Variants in TBC1D5 observed in about 807,000 individuals in gnomAD.
The protein encoded by TBC1D5 is TBC1 domain family, member 5.
In TBC1D5, 75 loss-of-function variants were observed where a neutral mutation model predicts 100.3. The observed-to-expected ratio is 0.75, with a 90% CI of 0.62 to 0.91. The LOEUF is 0.91. Among genes scored for constraint, TBC1D5 ranks in the 40% least tolerant of loss-of-function variants. TBC1D5 has a pLI of 0.00. For missense variants in TBC1D5, 910 were observed against 942.4 expected (o/e 0.97, Z 0.45); for synonymous variants, 323 against 325.6 (o/e 0.99, Z 0.09).
chr3:17,636,332 T>C (rs2063926195), intron 1 of TBC1D5, among the ~76,000 whole-genome samples: 1 of 152,196 alleles, frequency 6.6e-6, no homozygotes, highest in Non-Finnish European at 1.5e-5. Flanking sequence ...GAGATACTTT[T>C]ATTATTCCTG....
intron 14 of TBC1D5, among the ~76,000 whole-genome samples, chr3:17,296,543 G>A (rs2082276038): frequency 1.3e-5 from 2 of 152,096 alleles, no homozygotes; most frequent in Admixed American, 1.3e-4. Flanking sequence ...TGGGAGGCTG[G>A]GGTACAAAAC....
At chr3:17,360,547 C>T (rs987609745) in intron 13 of TBC1D5, among the ~76,000 whole-genome samples, 4 of 151,884 alleles carry the variant, frequency 2.6e-5, no homozygotes, top group African/African-American at 4.8e-5. Context: ...CAGTTTTCAG[C>T]GCATCAGTAT....
intron 18 of TBC1D5, among the ~76,000 whole-genome samples, chr3:17,197,303 G>A (rs2070823738): frequency 6.6e-6 from 1 of 152,062 alleles, no homozygotes; most frequent in Admixed American, 6.6e-5. Flanking sequence ...TGTTTCATGT[G>A]GCACTGATGA....
chr3:17,433,540 C>G (rs1265199609), intron 3 of TBC1D5, among the ~76,000 whole-genome samples: 1 of 152,120 alleles, frequency 6.6e-6, no homozygotes, highest in East Asian at 1.9e-4. Flanking sequence ...GGTAACCGCC[C>G]TCATGATTCA....
At chr3:17,524,851 A>G (rs1208177328) in intron 2 of TBC1D5, among the ~76,000 whole-genome samples, 1 of 151,972 alleles carries the variant, frequency 6.6e-6, no homozygotes, top group African/African-American at 2.4e-5. Flanking sequence ...GTGACAAGAC[A>G]AACTCCATCT....
intron 1 of TBC1D5, among the ~76,000 whole-genome samples, chr3:17,675,161 C>T (rs1259975319): frequency 6.6e-6 from 1 of 151,922 alleles, no homozygotes; most frequent in Non-Finnish European, 1.5e-5. Context: ...AACAAGTAAG[C>T]AAACGCAAGC....
chr3:17,300,712 A>G (rs1045478775), intron 14 of TBC1D5, among the ~76,000 whole-genome samples: 5 of 152,326 alleles, frequency 3.3e-5, no homozygotes, highest in Admixed American at 2.6e-4. Context: ...AAACTTTTCC[A>G]TTTATGGTGT....
In TBC1D5 at chr3:17,701,086, T is replaced by C. The variant is rs9973828; in HGVS notation, c.-101+38257A>G. Among the ~76,000 whole-genome samples the C allele has an allele frequency of 3.9e-4, 59 of 152,154 alleles. 1 individual carries two copies. Among genetic ancestry groups the C allele is most frequent in the African/African-American group, 1.4e-3 (57 of 41,486 alleles). On this transcript the variant is annotated intron_variant, in intron 1 of 21. Transcript: ENST00000253692. ...CAAAGACTTGGAACCAACCCAAATG[T>C]CCATCAATGATGGACTGGATTAAGA...
At chr3:17,167,062 A>G in intron 20 of TBC1D5, 134 bp from the exon 22 acceptor site, 2 of 900,532 alleles carry the variant, frequency 2.2e-6, no homozygotes, top group Non-Finnish European at 3.1e-6. Context: ...ATATTTTACT[A>G]TAAGAAACAA....
At chr3:17,326,529 G>C (rs890742853) in intron 13 of TBC1D5, among the ~76,000 whole-genome samples, 12 of 152,122 alleles carry the variant, frequency 7.9e-5, no homozygotes, top group African/African-American at 2.9e-4. Context: ...CTGGAGTATA[G>C]CTGTACAATC....
intron 1 of TBC1D5, among the ~76,000 whole-genome samples, chr3:17,696,219 G>A (rs1414275740): frequency 6.6e-6 from 1 of 151,862 alleles, no homozygotes; most frequent in South Asian, 2.1e-4. Flanking sequence ...CAAAAAAAAA[G>A]CTAGCAGAAG....
At chr3:17,543,637 C>CA (rs1190721103) in intron 2 of TBC1D5, among the ~76,000 whole-genome samples, 5 of 151,268 alleles carry the variant, frequency 3.3e-5, no homozygotes, top group African/African-American at 1.2e-4. Context: ...GACCCCATCT[C>CA]AAAAAACAAA....
exon 12 of TBC1D5, chr3:17,374,484 T>C: frequency 2.5e-6 from 4 of 1,611,676 alleles, no homozygotes; most frequent in Non-Finnish European, 3.4e-6. Flanking sequence ...CTGACCATCA[T>C]GCTCAAAAGT....
chr3:17,185,516 A>T lies in TBC1D5; in HGVS notation c.1753-308T>A, dbSNP rs188682589. On this transcript the variant is annotated intron_variant, in intron 18 of 21. Coordinates refer to ENST00000253692, the Ensembl canonical transcript of TBC1D5. ...TATTTGCATATACAACCTTGTATTT[A>T]AAAAGTGCACAATATATCTTCAACA... 8.3e-4 allele frequency among the ~76,000 whole-genome samples: 126 copies of T among 152,340 alleles called. 2 individuals are homozygous for T. In the East Asian group the frequency reaches 0.013, roughly 15 times the overall value.
At chr3:17,680,861 AT>A (rs2069354586) in intron 1 of TBC1D5, among the ~76,000 whole-genome samples, 1 of 151,556 alleles carries the variant, frequency 6.6e-6, no homozygotes, top group South Asian at 2.1e-4. Context: ...ATAAGGATCT[AT>A]TTAATTAGTC....
chr3:17,291,604 A>G (rs568881397), intron 15 of TBC1D5, among the ~76,000 whole-genome samples: 4 of 152,316 alleles, frequency 2.6e-5, no homozygotes, highest in African/African-American at 9.6e-5. Context: ...AAGGAGAGGT[A>G]GTTCCTCAAC....
At chr3:17,168,744 G>A (rs745549338) in intron 19 of TBC1D5, among the ~76,000 whole-genome samples, 6 of 152,104 alleles carry the variant, frequency 3.9e-5, no homozygotes, top group Non-Finnish European at 5.9e-5. Flanking sequence ...TCACTACAGT[G>A]AGTATGTTCA....
At chr3:17,374,818 T>TG in intron 10 of TBC1D5, 139 bp from the exon 11 acceptor site, 1 of 781,856 alleles carries the variant, frequency 1.3e-6, no homozygotes, top group South Asian at 1.9e-5. Context: ...AAAAGAGCAA[T>TG]GCCATTAACA....
At position 17,394,516 on chromosome 3, in the gene TBC1D5, T is replaced by G. The variant is rs372621108; in HGVS notation, c.509+8665A>C. Among the ~76,000 whole-genome samples, 6 of 152,136 alleles carry G rather than the reference T, an allele frequency of 3.9e-5. No homozygotes were observed. In the East Asian group the frequency reaches 9.7e-4, roughly 25 times the overall value. ...CTATTAATGACATAAATGCTTACAA[T>G]GGGTGCCAAGTACTGGGAAATATGA... On this transcript the variant is annotated intron_variant, in intron 8 of 21. Transcript: ENST00000253692.
Sources: gnomAD v4.1 joint callset for allele counts (sites outside exome capture counted in the v4.1 genomes callset) on GRCh38, gnomAD v4.1.1 for gene constraint, MANE v1.5 for transcripts, NCBI Gene and HGNC (gene_info 2026-07-23, HGNC 2026-07-21) for gene names.